The following RIMS3 variants were observed in gnomAD, a reference collection of about 807,000 sequenced individuals.
RIMS3 encodes regulating synaptic membrane exocytosis protein 3.
A neutral mutation model predicts 29.2 loss-of-function variants in RIMS3; 15 were observed. The ratio of observed to expected loss-of-function variants is 0.51; its 90% CI spans 0.34 to 0.79. The LOEUF (loss-of-function observed/expected upper bound fraction) is 0.79, where lower values mean the gene tolerates loss of function less well. RIMS3 is among the 30% of genes least tolerant of loss of function. The probability of loss-of-function intolerance (pLI) is 0.01; values close to 1 mark genes in which losing one functional copy is unlikely to be tolerated. For missense variants in RIMS3, 342 were observed against 421.4 expected, an observed-to-expected ratio of 0.81 and a Z score of 1.65; for synonymous variants, 161 against 170.1, an observed-to-expected ratio of 0.95 and a Z score of 0.41.
chr1:40,628,412 G>A (rs1305242029), intron 7 of RIMS3, among the ~76,000 whole-genome samples: 3 of 152,228 alleles, frequency 2.0e-5, no homozygotes, highest in Non-Finnish European at 4.4e-5. Context: ...TAAGAGACTC[G>A]GTTTCCGTAA....
At chr1:40,688,609 C>G in the RIMS3 span, among the ~76,000 whole-genome samples, 1 of 152,108 alleles carries the variant, frequency 6.6e-6, no homozygotes, top group Non-Finnish European at 1.5e-5. Context: ...TCCCTATCGC[C>G]AAGACACTTG....
At chr1:40,688,983 AG>A in the RIMS3 span, among the ~76,000 whole-genome samples, 1 of 152,204 alleles carries the variant, frequency 6.6e-6, no homozygotes, top group Non-Finnish European at 1.5e-5. Context: ...TTTGTAAAAA[AG>A]GTCTTGGCTT....
chr1:40,673,785 G>A, the RIMS3 span, among the ~76,000 whole-genome samples: 1 of 151,918 alleles, frequency 6.6e-6, no homozygotes, highest in African/African-American at 2.4e-5. Context: ...AGACTGCACA[G>A]TGGTTAACAG....
chr1:40,636,572 G>A lies in RIMS3; in HGVS notation c.218-515C>T, dbSNP rs531727601. Among the ~76,000 whole-genome samples the A allele has an allele frequency of 2.6e-4, 40 of 152,302 alleles. No homozygotes were observed. The highest frequency in any genetic ancestry group is 7.5e-4 in the African/African-American group (31 of 41,566). On this transcript the variant is annotated intron_variant, in intron 3 of 7. Transcript: ENST00000372684. The surrounding 1 kb of genome is among the most constrained non-coding windows in gnomAD (Gnocchi z 4.2). Reference sequence around the variant, plus strand: ...GGAGGCTCTATAGGAAAGCCCCCATGGGAAGCCTGGCCACTCTCAAACAAA... The same window carrying A: ...GGAGGCTCTATAGGAAAGCCCCCATAGGAAGCCTGGCCACTCTCAAACAAA...
Position 40,654,677 on chromosome 1 carries a change from G to A in RIMS3, c.-206-6835C>T, listed in dbSNP as rs1050371369. 2.6e-5 allele frequency among the ~76,000 whole-genome samples: 4 copies of A among 151,782 alleles called. No homozygotes were observed. The highest frequency in any genetic ancestry group is 6.6e-5 in the Admixed American group (1 of 15,222). On this transcript the variant is annotated intron_variant, in intron 1 of 7. Coordinates refer to ENST00000372684, the MANE Select transcript of RIMS3 (RefSeq NM_014747.3). This position sits in a 1 kb window ranked among gnomAD's most constrained non-coding sequence, Gnocchi z 5.3. ...CTGCCACACACACACAAACTCGCACGCTGCAGAAAAACTCCCTCGCAGAGA... is the reference window on the plus strand; with the variant it reads ...CTGCCACACACACACAAACTCGCACACTGCAGAAAAACTCCCTCGCAGAGA...
chr1:40,665,619 T>TCCGC lies in RIMS3; in HGVS notation c.-436_-433dup, dbSNP rs1642414128. The TCCGC allele has an allele frequency of 6.6e-6, 1 of 152,090 alleles. No homozygotes were observed. The highest frequency in any genetic ancestry group is 2.4e-5 in the African/African-American group (1 of 41,422). 9.4% of individuals were successfully genotyped at this position (152,090 alleles called of 1,614,324 possible). On this transcript the variant is annotated 5_prime_UTR_variant, in exon 1 of 8. Transcript: ENST00000372684. ...CCCGCCACCACGGGGGCAGCTCCGC[T>TCCGC]CCGCCCGCCTGCGCTGCCGGCTCCG...
intron 5 of RIMS3, among the ~76,000 whole-genome samples, chr1:40,632,547 A>G (rs1452444220): frequency 2.0e-5 from 3 of 150,788 alleles, no homozygotes; most frequent in Non-Finnish European, 4.4e-5. Context: ...CAATGCCTAC[A>G]TATCACTTCC....
At chr1:40,666,541 G>T (rs1056865877), upstream of RIMS3, among the ~76,000 whole-genome samples, 3 of 152,178 alleles carry the variant, frequency 2.0e-5, no homozygotes, top group Non-Finnish European at 4.4e-5. Flanking sequence ...TGCAGCCCGG[G>T]AGGATACTGT....
chr1:40,662,298 C>T (rs1642363973), intron 1 of RIMS3, among the ~76,000 whole-genome samples: 1 of 152,170 alleles, frequency 6.6e-6, no homozygotes, highest in Admixed American at 6.5e-5. Flanking sequence ...TTCCTCATCC[C>T]TTCTTCGCCT....
At chr1:40,645,328 G>C (rs1329178896) in intron 2 of RIMS3, among the ~76,000 whole-genome samples, 1 of 152,168 alleles carries the variant, frequency 6.6e-6, no homozygotes, top group Non-Finnish European at 1.5e-5. Context: ...TTTCTGGAAG[G>C]CATGTGGTTA....
chr1:40,667,400 G>A (rs992019397), upstream of RIMS3, among the ~76,000 whole-genome samples: 2 of 152,136 alleles, frequency 1.3e-5, no homozygotes, highest in African/African-American at 4.8e-5. Flanking sequence ...GTGGAGGTGA[G>A]GGGTGGGAGC....
At chr1:40,660,095 G>A (rs1451140178) in intron 1 of RIMS3, among the ~76,000 whole-genome samples, 1 of 152,208 alleles carries the variant, frequency 6.6e-6, no homozygotes, top group African/African-American at 2.4e-5. Context: ...GGCAGCGAGA[G>A]GGTCCACGGA....
chr1:40,677,588 C>G, the RIMS3 span, among the ~76,000 whole-genome samples: 1 of 151,980 alleles, frequency 6.6e-6, no homozygotes, highest in Non-Finnish European at 1.5e-5. Flanking sequence ...GTCCCAGCTA[C>G]TTGGGAGGCT....
At chr1:40,674,494 T>C in the RIMS3 span, among the ~76,000 whole-genome samples, 1 of 152,194 alleles carries the variant, frequency 6.6e-6, no homozygotes, top group South Asian at 2.1e-4. Flanking sequence ...ACCAATGGTG[T>C]ATACTATGGT....
chr1:40,653,511 C>A (rs1233839881), intron 1 of RIMS3, among the ~76,000 whole-genome samples: 2 of 152,168 alleles, frequency 1.3e-5, no homozygotes, highest in South Asian at 2.1e-4. Context: ...CAGGAGAAGC[C>A]CAGGCCTGAA....
the RIMS3 span, among the ~76,000 whole-genome samples, chr1:40,678,284 T>C: frequency 6.6e-6 from 1 of 152,148 alleles, no homozygotes; most frequent in Admixed American, 6.5e-5. Context: ...GGCGCACGCC[T>C]GTAATCCCAG....
At chr1:40,675,244 A>T in the RIMS3 span, among the ~76,000 whole-genome samples, 6 of 151,838 alleles carry the variant, frequency 4.0e-5, no homozygotes, top group African/African-American at 1.5e-4. Context: ...ACTGCACTAC[A>T]GCCTGGGTGA....
At chr1:40,689,873 G>A in the RIMS3 span, among the ~76,000 whole-genome samples, 2 of 152,110 alleles carry the variant, frequency 1.3e-5, no homozygotes, top group African/African-American at 4.8e-5. Context: ...CCCTTCCCCT[G>A]GGATCCCTTG....
rs1370431831 is a variant in RIMS3, at chr1:40,636,740, G to A, written c.218-683C>T. On this transcript the variant is annotated intron_variant, in intron 3 of 7. Transcript: ENST00000372684. The surrounding 1 kb of genome is among the most constrained non-coding windows in gnomAD (Gnocchi z 4.2). ...GAGAAAAGGTCTGCAGAAGAACCCC[G>A]AAGCTGGCCTGTGAGAACTTACCCG... 1.3e-5 allele frequency among the ~76,000 whole-genome samples: 2 copies of A among 152,160 alleles called. No individual in the cohort carries two copies. The highest frequency in any genetic ancestry group is 6.5e-5 in the Admixed American group (1 of 15,272).
Sources: gnomAD v4.1 joint callset for allele counts (sites outside exome capture counted in the v4.1 genomes callset) on GRCh38, gnomAD v4.1.1 for gene constraint, Gnocchi (gnomAD v3.1) non-coding constraint, MANE v1.5 for transcripts, NCBI Gene and HGNC (gene_info 2026-07-23, HGNC 2026-07-21) for gene names.